The following LARGE1 variants were observed in gnomAD, a reference collection of about 807,000 sequenced individuals.
LARGE1 encodes the protein xylosyl- and glucuronyltransferase LARGE1.
LARGE1 carries 43 observed loss-of-function variants against 87.6 expected under a neutral mutation model. That is an observed-to-expected ratio of 0.49 (90% CI 0.38 to 0.63). The LOEUF is 0.63. Among genes scored for constraint, LARGE1 ranks in the 30% least tolerant of loss-of-function variants. LARGE1 has a pLI of 0.00. For missense variants in LARGE1, 802 were observed against 1,000.2 expected (o/e 0.80, Z 2.67); for synonymous variants, 434 against 394.6 (o/e 1.10, Z -1.18).
chr22:33,137,780 T>G, the LARGE1 span, among the ~76,000 whole-genome samples: 3 of 152,274 alleles, frequency 2.0e-5, 1 homozygote, highest in Admixed American at 1.3e-4. Context: ...AGCTTCCAAG[T>G]GGTGTTGAGC....
At chr22:33,742,447 G>A (rs1177302875) in intron 2 of LARGE1, among the ~76,000 whole-genome samples, 1 of 152,044 alleles carries the variant, frequency 6.6e-6, no homozygotes, top group East Asian at 1.9e-4. Context: ...TGTGTGCAAG[G>A]AACTGTCATG....
At chr22:33,860,119 A>AT (rs1440170359) in intron 1 of LARGE1, among the ~76,000 whole-genome samples, 1 of 152,086 alleles carries the variant, frequency 6.6e-6, no homozygotes, top group Non-Finnish European at 1.5e-5. Flanking sequence ...TCTTATGTGT[A>AT]TTTTACAATT....
At chr22:33,850,451 T>G (rs2063554069) in intron 1 of LARGE1, among the ~76,000 whole-genome samples, 1 of 152,180 alleles carries the variant, frequency 6.6e-6, no homozygotes. Context: ...CCTCTAGGTT[T>G]CCGCCTCCTC....
intron 1 of LARGE1, among the ~76,000 whole-genome samples, chr22:33,839,846 G>A (rs1284114872): frequency 2.6e-5 from 4 of 152,166 alleles, no homozygotes; most frequent in Admixed American, 1.3e-4. Flanking sequence ...TTTCATGCAT[G>A]CCTACTACAA....
the LARGE1 span, among the ~76,000 whole-genome samples, chr22:33,103,292 G>A: frequency 6.6e-6 from 1 of 151,858 alleles, no homozygotes; most frequent in South Asian, 2.1e-4. Context: ...AATTAGCCGG[G>A]CGTGGTGGCG....
intron 5 of LARGE1, among the ~76,000 whole-genome samples, chr22:33,601,913 C>T (rs761674389): frequency 2.8e-4 from 42 of 152,156 alleles, no homozygotes; most frequent in Non-Finnish European, 3.8e-4. Context: ...CTGACAGAGT[C>T]AGAGCATCAG....
At chr22:33,102,519 C>G in the LARGE1 span, among the ~76,000 whole-genome samples, 2 of 150,976 alleles carry the variant, frequency 1.3e-5, no homozygotes, top group Non-Finnish European at 2.9e-5. Context: ...GAAGGAGTTT[C>G]ACTCTTGTTG....
At chr22:33,529,433 A>G (rs1011465580) in intron 6 of LARGE1, among the ~76,000 whole-genome samples, 5 of 152,216 alleles carry the variant, frequency 3.3e-5, no homozygotes, top group Non-Finnish European at 7.3e-5. Context: ...GCACTTACCA[A>G]TGGGGATGCT....
At chr22:33,471,029 C>CTTT (rs372332553) in intron 6 of LARGE1, among the ~76,000 whole-genome samples, 75 of 129,702 alleles carry the variant, frequency 5.8e-4, no homozygotes, top group African/African-American at 9.7e-4. Context: ...TCTTCTTCTT[C>CTTT]TTTTTTTTTT....
chr22:33,826,653 A>C (rs2062797347), intron 1 of LARGE1, among the ~76,000 whole-genome samples: 1 of 151,994 alleles, frequency 6.6e-6, no homozygotes, highest in Non-Finnish European at 1.5e-5. Flanking sequence ...CCTCCCTCTT[A>C]TAAGGAGACA....
At chr22:33,358,576 T>C (rs5998892) in intron 9 of LARGE1, among the ~76,000 whole-genome samples, 11,648 of 152,248 alleles carry the variant, frequency 0.077, 532 homozygotes, top group South Asian at 0.14. Context: ...TATCATTTCC[T>C]CCTATGGCTG....
At chr22:33,141,191 C>T in the LARGE1 span, among the ~76,000 whole-genome samples, 16 of 129,962 alleles carry the variant, frequency 1.2e-4, no homozygotes, top group African/African-American at 1.8e-4. Flanking sequence ...CTCTCTCTCT[C>T]TCTCACACAC....
chr22:33,486,954 T>G (rs1241536510), intron 6 of LARGE1, among the ~76,000 whole-genome samples: 1 of 152,204 alleles, frequency 6.6e-6, no homozygotes, highest in Non-Finnish European at 1.5e-5. Context: ...ACTGTGCTCT[T>G]ATTGTAATTC....
At chr22:33,086,269 A>G in the LARGE1 span, among the ~76,000 whole-genome samples, 5 of 152,162 alleles carry the variant, frequency 3.3e-5, no homozygotes, top group Admixed American at 6.5e-5. Flanking sequence ...ATCTAAGTAA[A>G]ATTATTCTTT....
intron 6 of LARGE1, among the ~76,000 whole-genome samples, chr22:33,448,292 G>A (rs1032950593): frequency 2.0e-5 from 3 of 152,168 alleles, no homozygotes; most frequent in South Asian, 2.1e-4. Context: ...TGAGGGTAAC[G>A]TGAAAGTAAT....
chr22:33,854,641 C>T (rs556670018), intron 1 of LARGE1, among the ~76,000 whole-genome samples: 1 of 150,948 alleles, frequency 6.6e-6, no homozygotes, highest in Admixed American at 6.6e-5. Flanking sequence ...AAGCAGAGTA[C>T]ATCATTTTAT....
the LARGE1 span, among the ~76,000 whole-genome samples, chr22:33,071,528 G>C: frequency 6.6e-6 from 1 of 152,152 alleles, no homozygotes; most frequent in South Asian, 2.1e-4. Flanking sequence ...ACAGATAATA[G>C]GCACATGCTC....
chr22:33,908,616 A>G (rs922776236), intron 1 of LARGE1, among the ~76,000 whole-genome samples: 4 of 152,194 alleles, frequency 2.6e-5, no homozygotes, highest in Non-Finnish European at 5.9e-5. Context: ...GTGCGTCCCA[A>G]TATGACAGCT....
intron 6 of LARGE1, among the ~76,000 whole-genome samples, chr22:33,439,094 ATCC>A (rs2067376059): frequency 6.6e-6 from 1 of 151,904 alleles, no homozygotes; most frequent in Non-Finnish European, 1.5e-5. Context: ...TGCACCTGTA[ATCC>A]CAGCTACTTG....
Sources: gnomAD v4.1 joint callset for allele counts (sites outside exome capture counted in the v4.1 genomes callset) on GRCh38, gnomAD v4.1.1 for gene constraint, MANE v1.5 for transcripts, NCBI Gene and HGNC (gene_info 2026-07-23, HGNC 2026-07-21) for gene names.